The following GLIS1 variants were observed in gnomAD, a reference collection of about 807,000 sequenced individuals.
GLIS1 encodes GLIS family zinc finger 1.
In GLIS1, 24 loss-of-function variants were observed where a neutral mutation model predicts 63.8. That is an observed-to-expected ratio of 0.38 (90% CI 0.27 to 0.53). The LOEUF is 0.53. Ranked by LOEUF, GLIS1 falls within the 20% of genes least tolerant of loss-of-function variation. The probability of loss-of-function intolerance (pLI) is 0.85; values close to 1 mark genes in which losing one functional copy is unlikely to be tolerated. For missense variants in GLIS1, 1,036 were observed against 1,074.1 expected, an observed-to-expected ratio of 0.96 and a Z score of 0.50; for synonymous variants, 450 against 482.5, an observed-to-expected ratio of 0.93 and a Z score of 0.88.
chr1:53,513,802 C>G (rs1288445215), intron 8 of GLIS1, among the ~76,000 whole-genome samples: 2 of 152,232 alleles, frequency 1.3e-5, no homozygotes, highest in African/African-American at 4.8e-5. Flanking sequence ...ATAATAGGAG[C>G]AGTGGGCCAC....
rs758467304 is a variant in GLIS1, at chr1:53,514,590, T to G, written c.1883+35A>C. ...TGCCTCCCCCCGAGATCCCCCCTTG[T>G]TGCCCCTGGAGGAGGACTGGCCTGG... On this transcript the variant is annotated intron_variant, in intron 8 of 10. Transcript: ENST00000628545. 3 of 1,598,154 alleles carry G rather than the reference T, an allele frequency of 1.9e-6. No individual in the cohort carries two copies. The South Asian group carries it at 3.4e-5, about 18-fold the overall frequency.
Position 53,594,431 on chromosome 1 carries a change from C to T in GLIS1, c.997G>A (p.Gly333Arg). 1 of 1,612,870 alleles carries T rather than the reference C, an allele frequency of 6.2e-7. No individual in the cohort carries two copies. The highest frequency in any genetic ancestry group is 8.5e-7 in the Non-Finnish European group (1 of 1,179,972). ...GGCGGCAGGCCCTGCTGGTGAGGCC[C>T]AAAGAGCTCTGAAAACTCATCCGCG... is the stretch of plus-strand genomic sequence containing the variant. ...EPADEFSELF[G>R]PHQQGLPPPY... The change falls in exon 4 of 11, where the codon GGG (glycine) becomes AGG (arginine). Residue 333 changes from glycine to arginine, a missense_variant. This residue lies in a region of GLIS1 where 592 missense variants were observed against 593.9 expected (regional missense o/e 1.00). Coordinates refer to ENST00000628545, the MANE Select transcript of GLIS1 (RefSeq NM_001367484.1).
chr1:53,527,303 T>G (rs550576394), intron 5 of GLIS1, among the ~76,000 whole-genome samples: 108 of 152,240 alleles, frequency 7.1e-4, no homozygotes, highest in African/African-American at 2.6e-3. Context: ...TCGAGTCCGC[T>G]CAGGGGATCT....
At chr1:53,590,153 C>G (rs1299426846) in intron 4 of GLIS1, among the ~76,000 whole-genome samples, 2 of 152,206 alleles carry the variant, frequency 1.3e-5, no homozygotes, top group African/African-American at 4.8e-5. Flanking sequence ...AAGCACCCTC[C>G]CTTACATCAT....
chr1:53,636,877 T>C (rs1177119761), intron 2 of GLIS1, among the ~76,000 whole-genome samples: 1 of 152,208 alleles, frequency 6.6e-6, no homozygotes, highest in Non-Finnish European at 1.5e-5. Flanking sequence ...CAGGGACCAC[T>C]CCTGTATTAC....
intron 6 of GLIS1, among the ~76,000 whole-genome samples, chr1:53,523,193 C>T (rs2100302957): frequency 6.6e-6 from 1 of 152,120 alleles, no homozygotes; most frequent in South Asian, 2.1e-4. Context: ...AAGCACATCC[C>T]CTCCCTCCTC....
Position 53,738,059 on chromosome 1 carries a change from A to AT in GLIS1, c.5dup (p.His2GlnfsTer6). 8.1e-7 allele frequency: 1 copy of AT among 1,230,058 alleles called. No individual in the cohort carries two copies. Among genetic ancestry groups the AT allele is most frequent in the Non-Finnish European group, 1.0e-6 (1 of 986,892 alleles). The allele number at this position is 1,230,058 out of a possible 1,614,324, so 76.2% of individuals were successfully genotyped here. A position where few individuals can be genotyped will look rare whatever the true frequency, so the allele number is the denominator to read the frequency against. On this transcript the variant is annotated frameshift_variant, in exon 2 of 11. Transcript: ENST00000628545. LOFTEE classifies it high-confidence loss of function. ...CCGAGTGTGCCTCAGCCACCTCGCA[A>AT]TGCATGGCGCCGGGGCGGGGCGCAC...
chr1:53,612,492 G>A (rs1263936059), intron 2 of GLIS1, among the ~76,000 whole-genome samples: 2 of 151,872 alleles, frequency 1.3e-5, no homozygotes, highest in Admixed American at 6.6e-5. Context: ...CACCCACCTC[G>A]GCCTCCCAAA....
intron 2 of GLIS1, among the ~76,000 whole-genome samples, chr1:53,609,266 C>CTTTTTTTTTTTTTTTTTTTTTT (rs1221426769): frequency 1.2e-5 from 1 of 81,378 alleles, no homozygotes; most frequent in African/African-American, 5.1e-5. Context: ...GGGTTTAAAT[C>CTTTTTTTTTTTTTTTTTTTTTT]TTTTTTTTTT....
Position 53,509,931 on chromosome 1 carries a change from G to GC in GLIS1, c.1979dup (p.Gln661ProfsTer50), listed in dbSNP as rs1239752133. 5 of 1,304,670 alleles carry GC rather than the reference G, an allele frequency of 3.8e-6. No individual in the cohort carries two copies. Among genetic ancestry groups the GC allele is most frequent in the Non-Finnish European group, 2.9e-6 (3 of 1,017,876 alleles). The allele number at this position is 1,304,670 out of a possible 1,614,324, so 80.8% of individuals were successfully genotyped here. ...TGCTGGGGAGTGTGGGGAAGGGCTG[G>GC]CCCCCCGGAGAATGGCTCTGAGAGG... On this transcript the variant is annotated frameshift_variant, in exon 9 of 11. Transcript: ENST00000628545. LOFTEE classifies it high-confidence loss of function.
intron 4 of GLIS1, among the ~76,000 whole-genome samples, chr1:53,548,393 G>A (rs973711299): frequency 2.0e-5 from 3 of 152,226 alleles, no homozygotes; most frequent in South Asian, 2.1e-4. Flanking sequence ...AGGGGCTCTC[G>A]GGGCAGGAAC....
intron 2 of GLIS1, among the ~76,000 whole-genome samples, chr1:53,701,321 T>C (rs1475306112): frequency 6.6e-6 from 1 of 152,162 alleles, no homozygotes; most frequent in Non-Finnish European, 1.5e-5. Context: ...TTTTAGTGGG[T>C]GTGAAGTACC....
chr1:53,733,702 A>G (rs1189669585), intron 2 of GLIS1, among the ~76,000 whole-genome samples: 1 of 152,130 alleles, frequency 6.6e-6, no homozygotes, highest in Admixed American at 6.5e-5. Flanking sequence ...TTTTACCCAC[A>G]CACATACTTG....
intron 3 of GLIS1, among the ~76,000 whole-genome samples, chr1:53,599,667 A>C (rs568524858): frequency 6.6e-6 from 1 of 152,238 alleles, no homozygotes; most frequent in Non-Finnish European, 1.5e-5. Flanking sequence ...CGGCACTGGA[A>C]GTGTGCAAGC....
chr1:53,591,549 T>C (rs1247301045), intron 4 of GLIS1, among the ~76,000 whole-genome samples: 2 of 152,254 alleles, frequency 1.3e-5, no homozygotes, highest in Non-Finnish European at 2.9e-5. Context: ...TTAGCCTCTA[T>C]TCTTATTATA....
intron 4 of GLIS1, among the ~76,000 whole-genome samples, chr1:53,557,901 C>A (rs535366837): frequency 1.3e-5 from 2 of 152,132 alleles, no homozygotes; most frequent in Non-Finnish European, 2.9e-5. Flanking sequence ...AACAGAAAAG[C>A]AGAAAACACA....
chr1:53,619,457 C>T (rs1645518684), intron 2 of GLIS1, among the ~76,000 whole-genome samples: 1 of 152,230 alleles, frequency 6.6e-6, no homozygotes, highest in African/African-American at 2.4e-5. Context: ...AGTGTTGTGT[C>T]TGCACCTAAG....
At chr1:53,654,745 C>A (rs1645946069) in intron 2 of GLIS1, among the ~76,000 whole-genome samples, 2 of 152,160 alleles carry the variant, frequency 1.3e-5, no homozygotes, top group Non-Finnish European at 2.9e-5. Flanking sequence ...GCCCGGCCAG[C>A]CCTCCAGCGA....
In GLIS1 at chr1:53,594,327, G is replaced by A. The variant is rs569988372; in HGVS notation, c.1101C>T (p.Ala367=). 62 of 1,611,672 alleles carry A rather than the reference G, an allele frequency of 3.8e-5. No homozygotes were observed. The highest frequency in any genetic ancestry group is 3.6e-4 in the African/African-American group (27 of 75,026). Residue 367 remains alanine (A), a synonymous_variant, in exon 4 of 11, where the codon GCC becomes GCT. Transcript: ENST00000628545. ...CCACCCAGCGGCACGCCTGCCGCCC[G>A]GCCACCACCCTGCCTGCCAGGCCCA... is the stretch of plus-strand genomic sequence containing the variant. ...LGLGLAGRVV[A]GRQACRWVDC... is the part of the protein sequence containing the mutation.
Sources: allele counts gnomAD v4.1 joint callset (sites outside exome capture counted in the v4.1 genomes callset), GRCh38; gene constraint gnomAD v4.1.1; regional missense constraint gnomAD v4.1.1; transcripts MANE v1.5; gene names NCBI Gene and HGNC (gene_info 2026-07-23, HGNC 2026-07-21).